Variants in DIAPH2 observed in about 807,000 individuals in gnomAD.
DIAPH2 encodes the protein diaphanous related formin 2.
A neutral mutation model predicts 92.7 loss-of-function variants in DIAPH2; 35 were observed. That is an observed-to-expected ratio of 0.38 (90% CI 0.29 to 0.50). The LOEUF is 0.50. Among genes scored for constraint, DIAPH2 ranks in the 20% least tolerant of loss-of-function variants. The pLI is 0.94. For synonymous variants in DIAPH2, 301 were observed against 280.4 expected, an observed-to-expected ratio of 1.07 and a Z score of -0.73; for missense variants, 701 against 819.5, an observed-to-expected ratio of 0.86 and a Z score of 1.77.
At chrX:96,828,712 T>C (rs1047445340) in intron 4 of DIAPH2, among the ~76,000 whole-genome samples, 1 of 111,967 alleles carries the variant, frequency 8.9e-6, no homozygotes, top group Non-Finnish European at 1.9e-5. Context: ...CATTTTTACA[T>C]TGTAGAATTT....
intron 17 of DIAPH2, among the ~76,000 whole-genome samples, chrX:97,004,320 G>C (rs945231591): frequency 5.4e-5 from 6 of 111,611 alleles, no homozygotes; most frequent in South Asian, 7.5e-4. Context: ...TTGGTAGGTT[G>C]TATGTGTCTA....
intron 23 of DIAPH2, among the ~76,000 whole-genome samples, chrX:97,323,590 C>CAA (rs2068922197): frequency 2.4e-5 from 1 of 42,000 alleles, no homozygotes; most frequent in Non-Finnish European, 4.1e-5. Context: ...GACTCCGTCT[C>CAA]AAGAAAAAAA....
intron 23 of DIAPH2, among the ~76,000 whole-genome samples, chrX:97,284,763 T>TAG (rs199752398): frequency 9.1e-6 from 1 of 109,659 alleles, no homozygotes; most frequent in Non-Finnish European, 1.9e-5. Context: ...TATTTGGAGT[T>TAG]AGAGAGAGAG....
At chrX:97,295,880 C>T (rs936887298) in intron 23 of DIAPH2, among the ~76,000 whole-genome samples, 2 of 109,471 alleles carry the variant, frequency 1.8e-5, no homozygotes, top group Non-Finnish European at 3.8e-5. Flanking sequence ...TACAGGCGTG[C>T]ACCACCATGC....
At chrX:97,347,573 T>C (rs1369776360) in intron 23 of DIAPH2, among the ~76,000 whole-genome samples, 2 of 111,340 alleles carry the variant, frequency 1.8e-5, no homozygotes, top group Non-Finnish European at 3.8e-5. Context: ...TTCTAACAAA[T>C]GTTCCGTGTG....
intron 17 of DIAPH2, among the ~76,000 whole-genome samples, chrX:97,007,930 T>A (rs2066195748): frequency 9.6e-6 from 1 of 103,894 alleles, no homozygotes; most frequent in Admixed American, 1.1e-4. Flanking sequence ...GCCCGGCTAA[T>A]TTTTTGTATT....
intron 17 of DIAPH2, among the ~76,000 whole-genome samples, chrX:97,007,989 C>T (rs751231272): frequency 2.3e-4 from 24 of 103,322 alleles, no homozygotes; most frequent in African/African-American, 7.5e-4. Context: ...GTCTCAATTT[C>T]CTGACCTCAT....
intron 1 of DIAPH2, among the ~76,000 whole-genome samples, chrX:96,730,157 G>C (rs2064045457): frequency 8.9e-6 from 1 of 111,997 alleles, no homozygotes; most frequent in African/African-American, 3.2e-5. Context: ...ATGATTGGGA[G>C]TAATTTTAAG....
intron 4 of DIAPH2, among the ~76,000 whole-genome samples, chrX:96,864,060 C>A (rs1315014338): frequency 9.0e-6 from 1 of 111,332 alleles, no homozygotes; most frequent in African/African-American, 3.3e-5. Flanking sequence ...GAGACCCTGT[C>A]TCAAAACAAT....
intron 5 of DIAPH2, among the ~76,000 whole-genome samples, chrX:96,896,659 G>A: frequency 8.9e-6 from 1 of 111,797 alleles, no homozygotes. Context: ...TTTTGAATAA[G>A]GCCAAAGTTA....
At chrX:96,728,368 C>A (rs1421810330) in intron 1 of DIAPH2, among the ~76,000 whole-genome samples, 1 of 110,621 alleles carries the variant, frequency 9.0e-6, no homozygotes. Context: ...CACCACTACA[C>A]CCAGCTAATT....
intron 4 of DIAPH2, among the ~76,000 whole-genome samples, chrX:96,858,454 A>G (rs762622567): frequency 2.7e-5 from 3 of 112,291 alleles, no homozygotes; most frequent in African/African-American, 9.7e-5. Flanking sequence ...TGCTCTGGTC[A>G]TGAGAATGCA....
At chrX:96,908,931 A>G (rs2065451798) in intron 5 of DIAPH2, among the ~76,000 whole-genome samples, 1 of 111,484 alleles carries the variant, frequency 9.0e-6, no homozygotes, top group Non-Finnish European at 1.9e-5. Context: ...GTTCTGCGGC[A>G]CTGGGAGGGC....
At position 97,599,332 on chromosome X, in the gene DIAPH2, G is replaced by A; in HGVS notation, c.*15G>A. 8.8e-7 allele frequency: 1 copy of A among 1,135,728 alleles called. No homozygotes were observed. Among genetic ancestry groups the A allele is most frequent in the Non-Finnish European group, 1.2e-6 (1 of 836,661 alleles). The allele number at this position is 1,135,728 out of a possible 1,213,427, so 93.6% of individuals were successfully genotyped here. ...CATCTAAGTGATTCCTGATGCCAAAGAATATGAAAATATTTAAGTAAAAAC... is the reference window on the plus strand; with the variant it reads ...CATCTAAGTGATTCCTGATGCCAAAAAATATGAAAATATTTAAGTAAAAAC... On this transcript the variant is annotated 3_prime_UTR_variant, in exon 27 of 27. Coordinates refer to ENST00000324765, the MANE Select transcript of DIAPH2 (RefSeq NM_006729.5).
intron 17 of DIAPH2, among the ~76,000 whole-genome samples, chrX:97,036,954 A>G (rs774588153): frequency 3.6e-5 from 4 of 111,392 alleles, no homozygotes; most frequent in Non-Finnish European, 5.7e-5. Flanking sequence ...AAGTCTCCTC[A>G]TTTAATGCTA....
chrX:96,892,858 T>G (rs184016014), intron 5 of DIAPH2, among the ~76,000 whole-genome samples: 80 of 111,379 alleles, frequency 7.2e-4, no homozygotes, highest in African/African-American at 2.5e-3. Context: ...TATATAATAA[T>G]CATCTAAAAT....
At chrX:96,882,844 A>G (rs1389928410) in intron 5 of DIAPH2, among the ~76,000 whole-genome samples, 6 of 102,756 alleles carry the variant, frequency 5.8e-5, no homozygotes, top group African/African-American at 2.2e-4. Flanking sequence ...CTGTGGTCCC[A>G]GGTATTCACG....
At chrX:97,196,268 G>A (rs1488957666) in intron 22 of DIAPH2, among the ~76,000 whole-genome samples, 1 of 110,628 alleles carries the variant, frequency 9.0e-6, no homozygotes, top group Non-Finnish European at 1.9e-5. Context: ...GTATAGTTTT[G>A]TTGTATTGCA....
chrX:97,596,941 A>G (rs925616081), intron 26 of DIAPH2, among the ~76,000 whole-genome samples: 14 of 111,916 alleles, frequency 1.3e-4, no homozygotes, highest in African/African-American at 1.9e-4. Context: ...GTATAAGAGT[A>G]TATATATGTA....
Sources: gnomAD v4.1 joint callset for allele counts (sites outside exome capture counted in the v4.1 genomes callset) on GRCh38, gnomAD v4.1.1 for gene constraint, MANE v1.5 for transcripts, NCBI Gene and HGNC (gene_info 2026-07-23, HGNC 2026-07-21) for gene names.